Variants in PTPRM observed in about 807,000 individuals in gnomAD.
The protein encoded by PTPRM is receptor-type tyrosine-protein phosphatase mu.
Under a neutral mutation model 186.7 loss-of-function variants are expected in PTPRM, and 47 were observed. That is an observed-to-expected ratio of 0.25 (90% CI 0.20 to 0.32). PTPRM has a LOEUF of 0.32. Ranked by LOEUF, PTPRM falls within the 10% of genes least tolerant of loss-of-function variation. The pLI, the probability that PTPRM is intolerant of heterozygous loss-of-function variation, is 1.00. For missense variants in PTPRM, 1,494 were observed against 1,865.0 expected (o/e 0.80, Z 3.66); for synonymous variants, 668 against 674.9 (o/e 0.99, Z 0.16).
At chr18:8,250,176 G>T (rs1428534135) in intron 17 of PTPRM, among the ~76,000 whole-genome samples, 1 of 151,932 alleles carries the variant, frequency 6.6e-6, no homozygotes, top group South Asian at 2.1e-4. Context: ...CAGCCCTAAT[G>T]TATAGAGCTG....
chr18:8,102,011 C>T (rs982285600), intron 11 of PTPRM, among the ~76,000 whole-genome samples: 1 of 152,178 alleles, frequency 6.6e-6, no homozygotes, highest in Non-Finnish European at 1.5e-5. Flanking sequence ...AAGCAAGTCA[C>T]ACACATTTTT....
intron 14 of PTPRM, among the ~76,000 whole-genome samples, chr18:8,240,478 G>GGA (rs1358002948): frequency 6.3e-5 from 2 of 31,922 alleles, no homozygotes; most frequent in Admixed American, 3.0e-4. Flanking sequence ...AGGGAGGGAG[G>GGA]GGAGGAGAGA....
intron 1 of PTPRM, among the ~76,000 whole-genome samples, chr18:7,572,841 C>T (rs994445158): frequency 6.6e-6 from 1 of 152,056 alleles, no homozygotes; most frequent in Admixed American, 6.5e-5. Flanking sequence ...AATGTCTTTC[C>T]AACTCACAAA....
At chr18:8,267,796 G>A (rs1456015309) in intron 19 of PTPRM, among the ~76,000 whole-genome samples, 2 of 152,064 alleles carry the variant, frequency 1.3e-5, no homozygotes, top group Non-Finnish European at 2.9e-5. Flanking sequence ...CACTAAAATG[G>A]CTATTAAACT....
chr18:8,288,066 G>T (rs2094977090), intron 19 of PTPRM, among the ~76,000 whole-genome samples: 1 of 152,186 alleles, frequency 6.6e-6, no homozygotes, highest in African/African-American at 2.4e-5. Context: ...ACTCAAAAAA[G>T]TCAGCTTTGA....
intron 32 of PTPRM, among the ~76,000 whole-genome samples, chr18:8,399,548 C>T (rs2095861220): frequency 6.6e-6 from 1 of 152,186 alleles, no homozygotes; most frequent in Non-Finnish European, 1.5e-5. Flanking sequence ...GAATACTGTT[C>T]ATAGAAGGCT....
intron 1 of PTPRM, chr18:7,751,219 T>A (rs1037319561): frequency 6.6e-6 from 1 of 152,268 alleles, no homozygotes; most frequent in Non-Finnish European, 1.5e-5. Context: ...TCAGACTACT[T>A]CTGCCACAAC....
intron 1 of PTPRM, among the ~76,000 whole-genome samples, chr18:7,699,570 G>A (rs2039915899): frequency 6.6e-6 from 1 of 151,940 alleles, no homozygotes; most frequent in Non-Finnish European, 1.5e-5. Flanking sequence ...CACCACACCT[G>A]GCTAATTTTT....
chr18:7,610,212 TGATAG>T (rs33911053), intron 1 of PTPRM, among the ~76,000 whole-genome samples: 4,994 of 152,242 alleles, frequency 0.033, 263 homozygotes, highest in African/African-American at 0.11. Context: ...ACAACTTATT[TGATAG>T]GAATTGCTGG....
chr18:7,812,859 A>T (rs2044602145), intron 2 of PTPRM, among the ~76,000 whole-genome samples: 1 of 152,202 alleles, frequency 6.6e-6, no homozygotes, highest in South Asian at 2.1e-4. Context: ...GAGGCATGAA[A>T]TGATGCCATC....
At chr18:8,055,868 G>A (rs1247795950) in intron 7 of PTPRM, among the ~76,000 whole-genome samples, 1 of 152,074 alleles carries the variant, frequency 6.6e-6, no homozygotes, top group African/African-American at 2.4e-5. Context: ...ATCATATTTG[G>A]CTTCCCTGCC....
At chr18:8,319,491 G>A (rs1232743958) in intron 22 of PTPRM, among the ~76,000 whole-genome samples, 1 of 152,226 alleles carries the variant, frequency 6.6e-6, no homozygotes. Context: ...AAAAGTAGAT[G>A]TATAGATAGC....
At chr18:7,734,506 C>G (rs1435105527) in intron 1 of PTPRM, among the ~76,000 whole-genome samples, 2 of 152,270 alleles carry the variant, frequency 1.3e-5, no homozygotes, top group Non-Finnish European at 2.9e-5. Context: ...GAATTGCTAT[C>G]ATGTAATTCT....
chr18:8,093,820 A>G (rs534592201), intron 11 of PTPRM, among the ~76,000 whole-genome samples: 2 of 152,352 alleles, frequency 1.3e-5, no homozygotes, highest in East Asian at 3.9e-4. Flanking sequence ...ACTTGGCAAC[A>G]TAGTAAATTT....
chr18:7,852,226 ATGTC>A (rs2046895670), intron 2 of PTPRM, among the ~76,000 whole-genome samples: 1 of 152,270 alleles, frequency 6.6e-6, no homozygotes, highest in African/African-American at 2.4e-5. Context: ...GGATAGGAAA[ATGTC>A]TGTTTGCTGC....
rs145590362 is a variant in PTPRM, at chr18:7,773,180, C to T, written c.74-969C>T. On this transcript the variant is annotated intron_variant, in intron 1 of 32. Transcript: ENST00000580170. ...CAGATGTTTACCACATGCTTAGTCT[C>T]GAATTTATTTTTCCCTTTAAAACTT... 7.9e-3 allele frequency among the ~76,000 whole-genome samples: 1,200 copies of T among 152,054 alleles called. 16 individuals are homozygous for T. Among genetic ancestry groups the T allele is most frequent in the African/African-American group, 0.026 (1,095 of 41,478 alleles).
At chr18:8,119,372 G>A (rs1435801887) in intron 13 of PTPRM, among the ~76,000 whole-genome samples, 4 of 152,074 alleles carry the variant, frequency 2.6e-5, no homozygotes, top group African/African-American at 7.2e-5. Context: ...ATGAAAGAGC[G>A]CTGATAAAAG....
intron 1 of PTPRM, among the ~76,000 whole-genome samples, chr18:7,569,826 T>A (rs967823768): frequency 6.6e-6 from 1 of 152,240 alleles, no homozygotes; most frequent in Non-Finnish European, 1.5e-5. Flanking sequence ...GGAAGAAATA[T>A]ATCTATTTGT....
At chr18:7,675,291 T>C (rs952729639) in intron 1 of PTPRM, among the ~76,000 whole-genome samples, 19 of 152,280 alleles carry the variant, frequency 1.2e-4, no homozygotes, top group Middle Eastern at 6.8e-3. Flanking sequence ...GCAGGTAGTT[T>C]GCATTTTAAA....
Sources: gnomAD v4.1 joint callset for allele counts (sites outside exome capture counted in the v4.1 genomes callset) on GRCh38, gnomAD v4.1.1 for gene constraint, MANE v1.5 for transcripts, NCBI Gene and HGNC (gene_info 2026-07-23, HGNC 2026-07-21) for gene names.